Variants in RNF19A observed in about 807,000 individuals in gnomAD.
RNF19A encodes the protein ring finger protein 19A, RBR E3 ubiquitin protein ligase, also known as E3 ubiquitin-protein ligase RNF19A.
A neutral mutation model predicts 75.7 loss-of-function variants in RNF19A; 32 were observed. The observed-to-expected ratio is 0.42, with a 90% CI of 0.32 to 0.57. The LOEUF (loss-of-function observed/expected upper bound fraction) is 0.57, where lower values mean the gene tolerates loss of function less well. Ranked by LOEUF, RNF19A falls within the 20% of genes least tolerant of loss-of-function variation. The probability of loss-of-function intolerance (pLI) is 0.10; values close to 1 mark genes in which losing one functional copy is unlikely to be tolerated. For missense variants in RNF19A, 782 were observed against 1,036.3 expected, an observed-to-expected ratio of 0.75 and a Z score of 3.37; for synonymous variants, 335 against 345.2, an observed-to-expected ratio of 0.97 and a Z score of 0.33.
At chr8:100,292,497 C>A (rs527951049) in intron 1 of RNF19A, among the ~76,000 whole-genome samples, 2 of 151,044 alleles carry the variant, frequency 1.3e-5, no homozygotes, top group African/African-American at 4.9e-5. Flanking sequence ...GACTATATGG[C>A]AATTTTCCAA....
In RNF19A at chr8:100,331,627, A is replaced by G. The variant is rs1822611644; in HGVS notation, c.-243+4481T>C. ...ACTCCAGCCTGGGTAACAGAGAGAGACAAACAAACAAAACAAAACAAAAAC... is the reference window on the plus strand; with the variant it reads ...ACTCCAGCCTGGGTAACAGAGAGAGGCAAACAAACAAAACAAAACAAAAAC... On this transcript the variant is annotated intron_variant, in intron 1 of 3. Coordinates refer to the RNF19A transcript ENST00000519527. This position sits in a 1 kb window ranked among gnomAD's most constrained non-coding sequence, Gnocchi z 5.2. Among the ~76,000 whole-genome samples the G allele has an allele frequency of 6.6e-6, 1 of 152,198 alleles. No individual in the cohort carries two copies. Among genetic ancestry groups the G allele is most frequent in the Non-Finnish European group, 1.5e-5 (1 of 68,034 alleles).
intron 1 of RNF19A, among the ~76,000 whole-genome samples, chr8:100,297,594 C>G (rs949671988): frequency 6.6e-6 from 1 of 152,198 alleles, no homozygotes; most frequent in African/African-American, 2.4e-5. Flanking sequence ...AACCTTCAAG[C>G]TCTCTTTCTC....
At chr8:100,310,186 C>G (rs1822248526), upstream of RNF19A, 7 of 985,414 alleles carry the variant, frequency 7.1e-6, no homozygotes, top group Non-Finnish European at 7.2e-6. Flanking sequence ...CAGCGCGCCG[C>G]CCGCGTGCTG....
upstream of RNF19A, among the ~76,000 whole-genome samples, chr8:100,311,949 A>G (rs1421144435): frequency 6.6e-6 from 1 of 152,188 alleles, no homozygotes; most frequent in South Asian, 2.1e-4. Context: ...AAATAAATCT[A>G]TTAAAAAACA....
In RNF19A at chr8:100,330,754, C is replaced by T. The variant is rs998760343; in HGVS notation, c.-243+5354G>A. On this transcript the variant is annotated intron_variant, in intron 1 of 3. Coordinates refer to the RNF19A transcript ENST00000519527. The surrounding 1 kb of genome is among the most constrained non-coding windows in gnomAD (Gnocchi z 4.1). ...AAAGTAGTCTGAACAATATGTTTGT[C>T]CTTTCAGTTTCTAACTTCTCTCCTT... 2.6e-5 allele frequency among the ~76,000 whole-genome samples: 4 copies of T among 152,200 alleles called. No homozygotes were observed. Among genetic ancestry groups the T allele is most frequent in the African/African-American group, 9.7e-5 (4 of 41,444 alleles).
chr8:100,258,775 G>T lies in RNF19A; in HGVS notation c.2298C>A (p.Asp766Glu). 1 of 1,614,190 alleles carries T rather than the reference G, an allele frequency of 6.2e-7. No individual in the cohort carries two copies. The highest frequency in any genetic ancestry group is 8.5e-7 in the Non-Finnish European group (1 of 1,180,032). ...ACTGATGTGGGGAATTTTCCAGACG[G>T]TCATTTTCTACCTCAGGAAGAATGT... ...TVNILPEVEN[D>E]RLENSPHQCS... The change falls in exon 10 of 10, where the codon GAC becomes GAA. Residue 766 changes from aspartate (D) to glutamate (E), a missense_variant. Physicochemically the swap from Asp to Glu is conservative, Grantham distance 45. Coordinates refer to ENST00000341084, the MANE Select transcript of RNF19A (RefSeq NM_183419.4). The surrounding 1 kb of genome is among the most constrained non-coding windows in gnomAD (Gnocchi z 4.3).
chr8:100,257,744 G>T lies in RNF19A; in HGVS notation c.*812C>A, dbSNP rs1398754413. On this transcript the variant is annotated 3_prime_UTR_variant, in exon 10 of 10. Coordinates refer to ENST00000341084, the MANE Select transcript of RNF19A (RefSeq NM_183419.4). ...ATAACTAGGCCATTAAAACCCAGTC[G>T]ATCCCAAAGGCACCAAGAATCAATG... 2.9e-6 allele frequency: 1 copy of T among 338,984 alleles called. No individual in the cohort carries two copies. Among genetic ancestry groups the T allele is most frequent in the African/African-American group, 2.1e-5 (1 of 47,410 alleles). 21.0% of individuals were successfully genotyped at this position (338,984 alleles called of 1,614,324 possible). A position where few individuals can be genotyped will look rare whatever the true frequency, so the allele number is the denominator to read the frequency against.
In RNF19A at chr8:100,258,034, A is replaced by G. The variant is rs1363228497; in HGVS notation, c.*522T>C. Reference sequence around the variant, plus strand: ...TAGCAAATGAGCTGCATTAAGCTTTATATAACCACATTGCATATGAAGAAA... The same window carrying G: ...TAGCAAATGAGCTGCATTAAGCTTTGTATAACCACATTGCATATGAAGAAA... On this transcript the variant is annotated 3_prime_UTR_variant, in exon 10 of 10. Coordinates refer to ENST00000341084, the MANE Select transcript of RNF19A (RefSeq NM_183419.4). The surrounding 1 kb of genome is among the most constrained non-coding windows in gnomAD (Gnocchi z 4.3). 2 of 398,668 alleles carry G rather than the reference A, an allele frequency of 5.0e-6. No individual in the cohort carries two copies. Among genetic ancestry groups the G allele is most frequent in the South Asian group, 1.3e-4 (1 of 7,860 alleles). 24.7% of individuals were successfully genotyped at this position (398,668 alleles called of 1,614,324 possible).
In RNF19A at chr8:100,259,854, T is replaced by C. The variant is rs1416631316; in HGVS notation, c.1826A>G (p.Lys609Arg). Residue 609 changes from lysine (K) to arginine (R), a missense_variant and splice_region_variant, in exon 9 of 10, where the codon AAA (lysine) becomes AGA (arginine). Lys to Arg is a conservative substitution (Grantham distance 26, BLOSUM62 2). Coordinates refer to ENST00000341084, the MANE Select transcript of RNF19A (RefSeq NM_183419.4). This position sits in a 1 kb window ranked among gnomAD's most constrained non-coding sequence, Gnocchi z 4.5. ...AATTTTTTAACAGTTTTTTCCTTAC[T>C]TGTCCAATGGGATGTAGGAATTCAG... Reference protein sequence around the residue: ...SILNSYIPLDKEGNSMEVQVD... With the variant: ...SILNSYIPLDREGNSMEVQVD... 2.5e-6 allele frequency: 4 copies of C among 1,607,392 alleles called. No homozygotes were observed. The highest frequency in any genetic ancestry group is 3.4e-6 in the Non-Finnish European group (4 of 1,177,512).
At chr8:100,271,152 A>T (rs1336576751) in intron 3 of RNF19A, among the ~76,000 whole-genome samples, 3 of 146,986 alleles carry the variant, frequency 2.0e-5, no homozygotes, top group Non-Finnish European at 4.5e-5. Context: ...AGGACCAAAG[A>T]TGCTTTTTTT....
chr8:100,266,471 T>C (rs1436164497), intron 5 of RNF19A, among the ~76,000 whole-genome samples: 2 of 152,240 alleles, frequency 1.3e-5, no homozygotes, highest in African/African-American at 2.4e-5. Context: ...AATAACTACA[T>C]GAAAAATTAC....
chr8:100,311,226 T>G (rs1248536784), upstream of RNF19A, among the ~76,000 whole-genome samples: 1 of 152,212 alleles, frequency 6.6e-6, no homozygotes, highest in Non-Finnish European at 1.5e-5. Context: ...CAGTTTAGGT[T>G]TAAGTGTCTT....
intron 2 of RNF19A, among the ~76,000 whole-genome samples, chr8:100,285,687 T>C (rs1187474519): frequency 6.6e-6 from 1 of 151,832 alleles, no homozygotes; most frequent in Non-Finnish European, 1.5e-5. Context: ...GGCTGGAGTA[T>C]AGTGGCGCAA....
At chr8:100,294,377 C>T (rs1821449400) in intron 1 of RNF19A, among the ~76,000 whole-genome samples, 1 of 152,140 alleles carries the variant, frequency 6.6e-6, no homozygotes, top group Non-Finnish European at 1.5e-5. Context: ...ATTCTGTCAC[C>T]CCTGCAGAAG....
At chr8:100,297,809 T>C (rs1392200445) in intron 1 of RNF19A, among the ~76,000 whole-genome samples, 1 of 152,196 alleles carries the variant, frequency 6.6e-6, no homozygotes, top group Admixed American at 6.5e-5. Context: ...ACCTTAAAGC[T>C]GGAAAATATA....
chr8:100,310,856 G>A (rs939462483), upstream of RNF19A, among the ~76,000 whole-genome samples: 2 of 151,152 alleles, frequency 1.3e-5, no homozygotes, highest in Non-Finnish European at 2.9e-5. Flanking sequence ...TTGTTCCTTC[G>A]TCTCATATCT....
Position 100,258,986 on chromosome 8 carries a change from T to G in RNF19A, c.2087A>C (p.Gln696Pro), listed in dbSNP as rs368674512. The change falls in exon 10 of 10, where the codon CAG (glutamine) becomes CCG (proline). Residue 696 changes from glutamine (Q) to proline (P), a missense_variant. Physicochemically the swap from Gln to Pro is moderately conservative, Grantham distance 76 (BLOSUM62 -1). Around this residue, in one of 7 missense-constraint regions of RNF19A, gnomAD observed 442 missense variants for 541.6 expected, o/e 0.82. Transcript: ENST00000341084. This position sits in a 1 kb window ranked among gnomAD's most constrained non-coding sequence, Gnocchi z 4.3. ...GTTCGTGCTTTGTTGTTCTAACAAC[T>G]GTGCATCCATGTCCTCTCTCGTCTC... ...INETREDMDA[Q>P]LLEQQSTNSS... is the part of the protein sequence containing the mutation. 6.2e-7 allele frequency: 1 copy of G among 1,614,128 alleles called. No homozygotes were observed. The highest frequency in any genetic ancestry group is 1.7e-5 in the Admixed American group (1 of 60,010).
In RNF19A at chr8:100,274,357, C is replaced by T. The variant is rs11988698; in HGVS notation, c.883+596G>A. On this transcript the variant is annotated intron_variant, in intron 3 of 9. Coordinates refer to ENST00000341084, the MANE Select transcript of RNF19A (RefSeq NM_183419.4). Reference sequence around the variant, plus strand: ...CTCTGAATTGCTTCTGGACCCATACCTACAAATTAACACTAATACTACTGA... The same window carrying T: ...CTCTGAATTGCTTCTGGACCCATACTTACAAATTAACACTAATACTACTGA... 2.6e-3 allele frequency among the ~76,000 whole-genome samples: 400 copies of T among 152,222 alleles called. 1 individual carries two copies. Among genetic ancestry groups the T allele is most frequent in the African/African-American group, 9.0e-3 (375 of 41,532 alleles).
chr8:100,308,300 G>A (rs1822139746), intron 1 of RNF19A, among the ~76,000 whole-genome samples: 1 of 152,088 alleles, frequency 6.6e-6, no homozygotes, highest in Admixed American at 6.5e-5. Flanking sequence ...AGAACATTAA[G>A]CAGGGCATTA....
Sources: gnomAD v4.1 joint callset for allele counts (sites outside exome capture counted in the v4.1 genomes callset) on GRCh38, gnomAD v4.1.1 for gene constraint, gnomAD v4.1.1 regional missense constraint, Gnocchi (gnomAD v3.1) non-coding constraint, MANE v1.5 for transcripts, NCBI Gene and HGNC (gene_info 2026-07-23, HGNC 2026-07-21) for gene names.